TSPEAR: variants seen among roughly 807,000 people sequenced by gnomAD.
TSPEAR encodes thrombospondin-type laminin G domain and EAR repeat-containing protein.
Under a neutral mutation model 71.6 loss-of-function variants are expected in TSPEAR, and 69 were observed. The observed-to-expected ratio is 0.96, with a 90% CI of 0.79 to 1.18. The LOEUF (loss-of-function observed/expected upper bound fraction) is 1.18, where lower values mean the gene tolerates loss of function less well. Ranked by LOEUF, TSPEAR falls within the 50% of genes most tolerant of loss-of-function variation. The pLI is 0.00. For synonymous variants in TSPEAR, 402 were observed against 387.2 expected (o/e 1.04, Z -0.45); for missense variants, 971 against 894.9 (o/e 1.09, Z -1.09).
chr21:44,598,857 C>T (rs972778046), intron 1 of TSPEAR, among the ~76,000 whole-genome samples: 3 of 152,128 alleles, frequency 2.0e-5, no homozygotes, highest in East Asian at 3.8e-4. Context: ...TAGGTCTGCT[C>T]GTGTTCAGTT....
At chr21:44,559,314 G>C (rs1279488325) in intron 2 of TSPEAR, among the ~76,000 whole-genome samples, 3 of 152,224 alleles carry the variant, frequency 2.0e-5, no homozygotes, top group Admixed American at 6.5e-5. Flanking sequence ...ATTTCTGCTG[G>C]GGGTGAGCCC....
intron 1 of TSPEAR, among the ~76,000 whole-genome samples, chr21:44,657,273 C>T (rs1307231935): frequency 2.0e-5 from 3 of 152,218 alleles, no homozygotes; most frequent in South Asian, 2.1e-4. Context: ...GCCAAGACCT[C>T]GTTGCTGCTG....
chr21:44,499,869 C>T lies in TSPEAR; in HGVS notation c.1924G>A (p.Ala642Thr), dbSNP rs1555910917. The T allele has an allele frequency of 6.2e-7, 1 of 1,605,036 alleles. No homozygotes were observed. Reference sequence around the variant, plus strand: ...TAGGCACCAGCCGTGGTGCTGAAGGCCTCCCAGTCCCTGCAGCCGACGGTG... The same window carrying T: ...TAGGCACCAGCCGTGGTGCTGAAGGTCTCCCAGTCCCTGCAGCCGACGGTG... ...LPTVGCRDWE[A>T]FSTTAGAYLI... The change falls in exon 12 of 12, where the codon GCC (alanine) becomes ACC (threonine). Residue 642 changes from alanine to threonine, a missense_variant. By Grantham distance (58) the Ala-to-Thr change is moderately conservative. Coordinates refer to ENST00000323084, the MANE Select transcript of TSPEAR (RefSeq NM_144991.3).
chr21:44,602,767 C>T (rs147459357), intron 1 of TSPEAR, among the ~76,000 whole-genome samples: 209 of 152,262 alleles, frequency 1.4e-3, no homozygotes, highest in African/African-American at 4.9e-3. Context: ...AGGAGTGAGG[C>T]GCGTCCTGCG....
intron 1 of TSPEAR, chr21:44,579,791 C>G (rs782773002): frequency 6.2e-7 from 1 of 1,608,542 alleles, no homozygotes; most frequent in Non-Finnish European, 8.5e-7. Context: ...GCACGCGGGG[C>G]GGCAGAGGAG....
chr21:44,530,971 A>G, intron 4 of TSPEAR, 72 bp downstream of exon 4: 1 of 1,180,358 alleles, frequency 8.5e-7, no homozygotes, highest in Non-Finnish European at 1.3e-6. Context: ...CAACTAGAGC[A>G]GTAGGACAAC....
At chr21:44,599,472 C>T (rs1030208540) in intron 1 of TSPEAR, among the ~76,000 whole-genome samples, 2 of 152,170 alleles carry the variant, frequency 1.3e-5, no homozygotes, top group African/African-American at 2.4e-5. Context: ...TTCTCAGGGC[C>T]GCATGCATGC....
chr21:44,638,515 C>T (rs1983815565), intron 1 of TSPEAR: 2 of 313,148 alleles, frequency 6.4e-6, no homozygotes, highest in South Asian at 9.1e-5. Flanking sequence ...GTGATGCCAC[C>T]CCTGACTGCA....
chr21:44,610,097 T>C (rs1473783837), intron 1 of TSPEAR, among the ~76,000 whole-genome samples: 1 of 152,130 alleles, frequency 6.6e-6, no homozygotes, highest in African/African-American at 2.4e-5. Context: ...AGTTTTATAA[T>C]GAAAGCAGAG....
At chr21:44,542,908 A>G (rs2053246066) in intron 2 of TSPEAR, among the ~76,000 whole-genome samples, 1 of 152,180 alleles carries the variant, frequency 6.6e-6, no homozygotes, top group Non-Finnish European at 1.5e-5. Flanking sequence ...AAAACAAGAC[A>G]TATTACCTTC....
chr21:44,594,695 C>A (rs180859872), intron 1 of TSPEAR, among the ~76,000 whole-genome samples: 1 of 152,210 alleles, frequency 6.6e-6, no homozygotes, highest in Non-Finnish European at 1.5e-5. Flanking sequence ...CCTGCCCCAG[C>A]CCCTCCTCCT....
chr21:44,637,921 C>G, intron 1 of TSPEAR: 1 of 1,612,198 alleles, frequency 6.2e-7, no homozygotes, highest in Admixed American at 1.7e-5. Flanking sequence ...CCACTTCATG[C>G]TGCCAGCAGT....
chr21:44,515,319 C>T (rs1228394986), intron 9 of TSPEAR, among the ~76,000 whole-genome samples: 2 of 152,206 alleles, frequency 1.3e-5, no homozygotes, highest in Non-Finnish European at 2.9e-5. Flanking sequence ...TGTGCGTGGT[C>T]CCAGCGCCTT....
chr21:44,560,391 T>C (rs1198000325), intron 2 of TSPEAR, among the ~76,000 whole-genome samples: 1 of 152,154 alleles, frequency 6.6e-6, no homozygotes, highest in African/African-American at 2.4e-5. Flanking sequence ...AGTGGGAAAC[T>C]TTAACACCCT....
Position 44,499,732 on chromosome 21 carries a change from TG to T in TSPEAR, c.*50del. 1.3e-6 allele frequency: 2 copies of T among 1,506,452 alleles called. No individual in the cohort carries two copies. The highest frequency in any genetic ancestry group is 1.8e-6 in the Non-Finnish European group (2 of 1,127,170). The allele number at this position is 1,506,452 out of a possible 1,614,324, so 93.3% of individuals were successfully genotyped here. On this transcript the variant is annotated 3_prime_UTR_variant, in exon 12 of 12. Coordinates refer to ENST00000323084, the MANE Select transcript of TSPEAR (RefSeq NM_144991.3). The stretch of plus-strand genomic sequence containing the variant: ...GTCCAGGGTCAGTTGGGGGAGGTGC[TG>T]GGGTCCCGCCCCACCTGGCCACCCC...
chr21:44,693,964 T>C (rs1987222076), intron 1 of TSPEAR, among the ~76,000 whole-genome samples: 1 of 152,214 alleles, frequency 6.6e-6, no homozygotes, highest in Admixed American at 6.5e-5. Flanking sequence ...GATGAATGGA[T>C]TCACACTTCC....
chr21:44,667,341 C>T (rs1218926038), intron 1 of TSPEAR, among the ~76,000 whole-genome samples: 1 of 152,176 alleles, frequency 6.6e-6, no homozygotes, highest in African/African-American at 2.4e-5. Context: ...ACGTGTCTAG[C>T]TGATCTGTGG....
intron 9 of TSPEAR, among the ~76,000 whole-genome samples, chr21:44,511,493 TATGC>T (rs745920979): frequency 4.0e-4 from 61 of 152,370 alleles, no homozygotes; most frequent in African/African-American, 6.5e-4. Flanking sequence ...CACACGTATG[TATGC>T]ATGCAACCAT....
chr21:44,535,504 C>G (rs1414987676), intron 2 of TSPEAR, among the ~76,000 whole-genome samples: 1 of 152,204 alleles, frequency 6.6e-6, no homozygotes. Flanking sequence ...GTGGACAGCA[C>G]AGGGGATGGT....
Sources: gnomAD v4.1 joint callset for allele counts (sites outside exome capture counted in the v4.1 genomes callset) on GRCh38, gnomAD v4.1.1 for gene constraint, MANE v1.5 for transcripts, NCBI Gene and HGNC (gene_info 2026-07-23, HGNC 2026-07-21) for gene names.